The following CNOT4 variants were observed in gnomAD, a reference collection of about 807,000 sequenced individuals.
CNOT4 encodes the protein CCR4-NOT transcription complex subunit 4, also known as CCR4-associated factor 4.
Under a neutral mutation model 73.8 loss-of-function variants are expected in CNOT4, and 8 were observed. That is an observed-to-expected ratio of 0.11 (90% confidence interval 0.06 to 0.20). The LOEUF (loss-of-function observed/expected upper bound fraction) is 0.20, where lower values mean the gene tolerates loss of function less well. Among genes scored for constraint, CNOT4 ranks in the 10% least tolerant of loss-of-function variants. CNOT4 has a pLI of 1.00. For synonymous variants in CNOT4, 293 were observed against 321.1 expected (o/e 0.91, Z 0.94); for missense variants, 564 against 883.4 (o/e 0.64, Z 4.58).
At chr7:135,404,575 T>C (rs1797178029) in intron 7 of CNOT4, among the ~76,000 whole-genome samples, 1 of 152,194 alleles carries the variant, frequency 6.6e-6, no homozygotes, top group Admixed American at 6.6e-5. Context: ...ACTATGTCTT[T>C]TCTAAATCTC....
At chr7:135,489,124 A>G (rs1236454227) in intron 1 of CNOT4, among the ~76,000 whole-genome samples, 2 of 152,132 alleles carry the variant, frequency 1.3e-5, no homozygotes, top group African/African-American at 4.8e-5. Flanking sequence ...AAAGAGAAAT[A>G]TAAGTTTAAG....
At chr7:135,477,663 C>T (rs780385866) in intron 1 of CNOT4, among the ~76,000 whole-genome samples, 17 of 152,210 alleles carry the variant, frequency 1.1e-4, no homozygotes, top group Non-Finnish European at 2.1e-4. Context: ...GGCTGCAATA[C>T]ATTTCATCAT....
At chr7:135,492,201 C>T (rs2129487723) in intron 1 of CNOT4, among the ~76,000 whole-genome samples, 1 of 152,182 alleles carries the variant, frequency 6.6e-6, no homozygotes, top group East Asian at 1.9e-4. Context: ...AAATAGAGTA[C>T]AATTGCCAGA....
intron 10 of CNOT4, among the ~76,000 whole-genome samples, chr7:135,377,736 A>G (rs1483686546): frequency 1.3e-5 from 2 of 152,208 alleles, no homozygotes; most frequent in Non-Finnish European, 2.9e-5. Context: ...ATCATTTAAA[A>G]TATATAGTTA....
At chr7:135,421,911 A>C (rs1236317019) in intron 3 of CNOT4, among the ~76,000 whole-genome samples, 2 of 152,270 alleles carry the variant, frequency 1.3e-5, no homozygotes, top group Non-Finnish European at 2.9e-5. Flanking sequence ...AGCACGTTAG[A>C]AATCTAGTTC....
At chr7:135,393,824 A>T in intron 10 of CNOT4, 94 bp downstream of exon 10, 3 of 791,346 alleles carry the variant, frequency 3.8e-6, no homozygotes, top group Admixed American at 4.7e-5. Flanking sequence ...CCAAGATATT[A>T]GTACTCTGTT....
At chr7:135,493,301 G>A (rs951918915) in intron 1 of CNOT4, among the ~76,000 whole-genome samples, 6 of 152,172 alleles carry the variant, frequency 3.9e-5, no homozygotes, top group African/African-American at 1.2e-4. Context: ...AGCTGGGACT[G>A]CAGGTGTATA....
At chr7:135,473,735 A>G (rs1018612532) in intron 1 of CNOT4, among the ~76,000 whole-genome samples, 7 of 152,166 alleles carry the variant, frequency 4.6e-5, no homozygotes, top group Non-Finnish European at 8.8e-5. Context: ...TAATTGAGCA[A>G]GAGAGTCTTA....
At chr7:135,442,869 G>C (rs1254661587) in intron 1 of CNOT4, among the ~76,000 whole-genome samples, 1 of 152,082 alleles carries the variant, frequency 6.6e-6, no homozygotes, top group African/African-American at 2.4e-5. Flanking sequence ...ACCAGCCTGG[G>C]CAACACAAGG....
chr7:135,439,672 G>T (rs902995844), intron 1 of CNOT4, among the ~76,000 whole-genome samples: 1 of 152,138 alleles, frequency 6.6e-6, no homozygotes, highest in Non-Finnish European at 1.5e-5. Flanking sequence ...CCAGCTACTT[G>T]GGAGGCTTGA....
intron 10 of CNOT4, among the ~76,000 whole-genome samples, chr7:135,393,480 A>G (rs566606320): frequency 7.2e-5 from 11 of 152,302 alleles, no homozygotes; most frequent in African/African-American, 2.6e-4. Flanking sequence ...AGTAACTGCC[A>G]AAAGTAGGTA....
At chr7:135,488,594 T>C (rs1016170723) in intron 1 of CNOT4, among the ~76,000 whole-genome samples, 3 of 152,336 alleles carry the variant, frequency 2.0e-5, no homozygotes, top group African/African-American at 2.4e-5. Context: ...TGTGTGCCAG[T>C]AGAATGAGTC....
intron 1 of CNOT4, among the ~76,000 whole-genome samples, chr7:135,496,997 G>T (rs775177126): frequency 1.3e-5 from 2 of 151,690 alleles, no homozygotes; most frequent in Admixed American, 1.3e-4. Flanking sequence ...TTAAGAAATG[G>T]AGTCTCACTA....
chr7:135,491,705 G>A (rs1457112560), intron 1 of CNOT4, among the ~76,000 whole-genome samples: 1 of 152,174 alleles, frequency 6.6e-6, no homozygotes, highest in Non-Finnish European at 1.5e-5. Flanking sequence ...AAGAGCAATT[G>A]AGGGAAGATA....
intron 1 of CNOT4, among the ~76,000 whole-genome samples, chr7:135,465,350 A>G (rs1422266217): frequency 6.6e-6 from 1 of 152,132 alleles, no homozygotes; most frequent in Non-Finnish European, 1.5e-5. Context: ...ACACGCCCAC[A>G]TTTTTGTATT....
chr7:135,437,190 T>C (rs1799205433), intron 2 of CNOT4, among the ~76,000 whole-genome samples: 5 of 152,074 alleles, frequency 3.3e-5, no homozygotes. Context: ...TTTTCTTTTC[T>C]TTTCTTTTCT....
At chr7:135,438,495 T>C in intron 1 of CNOT4, 72 bp from the exon 2 acceptor site, 1 of 459,346 alleles carries the variant, frequency 2.2e-6, no homozygotes, top group Non-Finnish European at 3.6e-6. Context: ...AGAGTCACAC[T>C]GTCAAAAAAT....
chr7:135,408,364 G>C (rs1033550819), intron 7 of CNOT4, among the ~76,000 whole-genome samples: 7 of 152,010 alleles, frequency 4.6e-5, no homozygotes, highest in Non-Finnish European at 8.8e-5. Context: ...ATATGTATTA[G>C]GTTTTCAAAT....
chr7:135,485,724 G>C (rs550004108), intron 1 of CNOT4, among the ~76,000 whole-genome samples: 19 of 152,204 alleles, frequency 1.2e-4, no homozygotes, highest in African/African-American at 4.6e-4. Flanking sequence ...AAGGGAAGCG[G>C]GACAAGAAGG....
Sources: gnomAD v4.1 joint callset for allele counts (sites outside exome capture counted in the v4.1 genomes callset) on GRCh38, gnomAD v4.1.1 for gene constraint, MANE v1.5 for transcripts, NCBI Gene and HGNC (gene_info 2026-07-23, HGNC 2026-07-21) for gene names.